Variants in CAMK1D observed in about 807,000 individuals in gnomAD.
The protein encoded by CAMK1D is calcium/calmodulin dependent protein kinase ID, also known as calcium/calmodulin-dependent protein kinase type 1D.
A neutral mutation model predicts 47.7 loss-of-function variants in CAMK1D; 9 were observed. The ratio of observed to expected loss-of-function variants is 0.19; its 90% CI spans 0.11 to 0.33. CAMK1D has a LOEUF of 0.33. CAMK1D is among the 10% of genes least tolerant of loss of function. CAMK1D has a pLI of 1.00. For synonymous variants in CAMK1D, 184 were observed against 184.9 expected (o/e 0.99, Z 0.04); for missense variants, 291 against 488.7 (o/e 0.60, Z 3.81).
intron 2 of CAMK1D, among the ~76,000 whole-genome samples, chr10:12,643,906 T>C (rs1839745026): frequency 6.6e-6 from 1 of 150,500 alleles, no homozygotes; most frequent in African/African-American, 2.5e-5. Context: ...AAAAATCTAA[T>C]GCGTGATGAT....
Position 12,674,599 on chromosome 10 carries a change from C to CTTTTTTTTTTTTTTTT in CAMK1D, c.299+7792_299+7807dup, listed in dbSNP as rs11391139. ...TTTTATTTGGGTTTTTGGAAAAATGCTTTTTTTTTTTTTTTTTTCAGAATT... is the reference window on the plus strand; with the variant it reads ...TTTTATTTGGGTTTTTGGAAAAATGCTTTTTTTTTTTTTTTTTTTTTTTTTTTTTTTTTTCAGAATT... On this transcript the variant is annotated intron_variant, in intron 3 of 10. Coordinates refer to ENST00000619168, the MANE Select transcript of CAMK1D (RefSeq NM_153498.4). 6.3e-4 allele frequency among the ~76,000 whole-genome samples: 40 copies of CTTTTTTTTTTTTTTTT among 63,464 alleles called. 3 individuals carry two copies. Among genetic ancestry groups the CTTTTTTTTTTTTTTTT allele is most frequent in the African/African-American group, 1.3e-3 (20 of 15,204 alleles). 41.6% of individuals were successfully genotyped at this position (63,464 alleles called of 152,430 possible).
chr10:12,743,252 C>A (rs1410836175), intron 3 of CAMK1D, among the ~76,000 whole-genome samples: 1 of 150,362 alleles, frequency 6.7e-6, no homozygotes, highest in African/African-American at 2.5e-5. Context: ...GAGGCTGAGG[C>A]AGGAGAATCA....
chr10:12,781,999 C>T (rs1654242410), intron 5 of CAMK1D, among the ~76,000 whole-genome samples: 1 of 143,804 alleles, frequency 7.0e-6, no homozygotes, highest in African/African-American at 2.6e-5. Flanking sequence ...TTTTGCCATC[C>T]TGATCTATTG....
Position 12,591,420 on chromosome 10 carries a change from C to T in CAMK1D, c.224+38064C>T, listed in dbSNP as rs147719139. On this transcript the variant is annotated intron_variant, in intron 2 of 10. Transcript: ENST00000619168. ...CTGCTTTTGTTATCCCCCTACGGCA[C>T]CTGCCAACAGCTGCCACCCAGAGCT... Among the ~76,000 whole-genome samples the T allele has an allele frequency of 5.8e-3, 880 of 152,344 alleles. 8 individuals are homozygous for T. The highest frequency in any genetic ancestry group is 0.02 in the African/African-American group (828 of 41,578).
intron 1 of CAMK1D, among the ~76,000 whole-genome samples, chr10:12,480,172 G>A (rs920732806): frequency 6.6e-6 from 1 of 152,046 alleles, no homozygotes; most frequent in Admixed American, 6.6e-5. Flanking sequence ...ATACTTGGCC[G>A]GGCTCGGTGG....
chr10:12,805,665 T>C (rs1838697497), intron 6 of CAMK1D, among the ~76,000 whole-genome samples: 1 of 152,200 alleles, frequency 6.6e-6, no homozygotes, highest in Admixed American at 6.5e-5. Context: ...CCACCGCGCC[T>C]GGCCAATAGG....
chr10:12,666,850 G>C, intron 3 of CAMK1D, 40 bp downstream of exon 3: 1 of 1,484,582 alleles, frequency 6.7e-7, no homozygotes, highest in Non-Finnish European at 9.4e-7. Context: ...GAACCAACTT[G>C]CAAACTCCAA....
At chr10:12,368,767 A>G (rs1837923985) in intron 1 of CAMK1D, among the ~76,000 whole-genome samples, 1 of 151,342 alleles carries the variant, frequency 6.6e-6, no homozygotes, top group Admixed American at 6.6e-5. Flanking sequence ...AAGAAAGAGT[A>G]TAACACATGC....
At chr10:12,779,163 A>G (rs748856386) in intron 5 of CAMK1D, among the ~76,000 whole-genome samples, 1 of 152,188 alleles carries the variant, frequency 6.6e-6, no homozygotes, top group African/African-American at 2.4e-5. Flanking sequence ...TCAGGATACC[A>G]TGGTGGCTCT....
At chr10:12,378,201 C>T (rs1389322231) in intron 1 of CAMK1D, among the ~76,000 whole-genome samples, 1 of 152,256 alleles carries the variant, frequency 6.6e-6, no homozygotes, top group African/African-American at 2.4e-5. Context: ...CATACTTCAT[C>T]TAGTGCACTG....
intron 1 of CAMK1D, among the ~76,000 whole-genome samples, chr10:12,544,792 G>A (rs1303068505): frequency 6.6e-6 from 1 of 151,982 alleles, no homozygotes; most frequent in Non-Finnish European, 1.5e-5. Flanking sequence ...TACTAGTGTT[G>A]AGTGGATAGT....
chr10:12,560,845 C>T (rs1836917072), intron 2 of CAMK1D, among the ~76,000 whole-genome samples: 1 of 151,894 alleles, frequency 6.6e-6, no homozygotes, highest in South Asian at 2.1e-4. Flanking sequence ...GAGGCAGGTG[C>T]ATATCTTACA....
intron 4 of CAMK1D, among the ~76,000 whole-genome samples, chr10:12,761,629 C>T (rs572880239): frequency 6.6e-6 from 1 of 152,248 alleles, no homozygotes; most frequent in East Asian, 1.9e-4. Context: ...TGGCTCAGGC[C>T]TGTAATCCCA....
At chr10:12,795,442 C>T (rs372607703) in intron 6 of CAMK1D, among the ~76,000 whole-genome samples, 3 of 152,142 alleles carry the variant, frequency 2.0e-5, no homozygotes, top group African/African-American at 7.2e-5. Flanking sequence ...GGCCACTGAG[C>T]GGTCCATGAG....
intron 1 of CAMK1D, among the ~76,000 whole-genome samples, chr10:12,486,933 G>A (rs1167548443): frequency 6.6e-6 from 1 of 152,032 alleles, no homozygotes; most frequent in Non-Finnish European, 1.5e-5. Flanking sequence ...ATGAGATCCT[G>A]TCTCTAAAAA....
At chr10:12,741,192 G>A (rs959867464) in intron 3 of CAMK1D, among the ~76,000 whole-genome samples, 2 of 152,186 alleles carry the variant, frequency 1.3e-5, no homozygotes, top group Non-Finnish European at 2.9e-5. Context: ...AAATTCAAAC[G>A]GGGGTACAGA....
At chr10:12,663,133 G>C (rs1840326574) in intron 2 of CAMK1D, among the ~76,000 whole-genome samples, 1 of 151,582 alleles carries the variant, frequency 6.6e-6, no homozygotes, top group Non-Finnish European at 1.5e-5. Context: ...GCTGATTTTT[G>C]TATTTTTAGT....
intron 1 of CAMK1D, among the ~76,000 whole-genome samples, chr10:12,511,237 C>T (rs1424358823): frequency 6.6e-6 from 1 of 152,142 alleles, no homozygotes. Context: ...TTACTGCTGA[C>T]CTGGTAGGGC....
intron 2 of CAMK1D, among the ~76,000 whole-genome samples, chr10:12,558,896 T>C (rs1398106704): frequency 3.3e-5 from 5 of 152,188 alleles, no homozygotes. Flanking sequence ...TTGGCATGTT[T>C]TCGTCTATCT....
Sources: allele counts gnomAD v4.1 joint callset (sites outside exome capture counted in the v4.1 genomes callset), GRCh38; gene constraint gnomAD v4.1.1; transcripts MANE v1.5; gene names NCBI Gene and HGNC (gene_info 2026-07-23, HGNC 2026-07-21).